Variants in LIMK1 observed in about 807,000 individuals in gnomAD.
The protein encoded by LIMK1 is LIM motif-containing protein kinase.
In LIMK1, 21 loss-of-function variants were observed where a neutral mutation model predicts 77.6. The ratio of observed to expected loss-of-function variants is 0.27; its 90% CI spans 0.19 to 0.39. The LOEUF (loss-of-function observed/expected upper bound fraction) is 0.39, where lower values mean the gene tolerates loss of function less well. LIMK1 is among the 10% of genes least tolerant of loss of function. The pLI is 1.00. For synonymous variants in LIMK1, 358 were observed against 370.0 expected (o/e 0.97, Z 0.37); for missense variants, 696 against 901.6 (o/e 0.77, Z 2.92).
intron 14 of LIMK1, 45 bp downstream of exon 14, chr7:74,120,683 TCC>T (rs782143277): frequency 5.4e-5 from 86 of 1,603,938 alleles, no homozygotes; most frequent in Admixed American, 1.0e-4. Flanking sequence ...CCTGGGCTCC[TCC>T]CCACTCACCC....
intron 5 of LIMK1, among the ~76,000 whole-genome samples, chr7:74,103,993 A>C (rs188633000): frequency 1.1e-3 from 170 of 151,890 alleles, no homozygotes; most frequent in African/African-American, 4.0e-3. Flanking sequence ...AGGTCTCACT[A>C]TTTTGCTCAG....
rs112094686 is a variant in LIMK1, at chr7:74,121,616, G to A, written c.*315G>A. 16 of 341,686 alleles carry A rather than the reference G, an allele frequency of 4.7e-5. No homozygotes were observed. The highest frequency in any genetic ancestry group is 2.8e-4 in the South Asian group (4 of 14,350). The allele number at this position is 341,686 out of a possible 1,614,324, so 21.2% of individuals were successfully genotyped here. On this transcript the variant is annotated 3_prime_UTR_variant, in exon 16 of 16. Transcript: ENST00000336180. ...TGAGTTACGCCCCTTTCCACACGCC[G>A]CTGCCCCAGCAACCCTGTTCACGCT... is the stretch of plus-strand genomic sequence containing the variant.
intron 2 of LIMK1, among the ~76,000 whole-genome samples, chr7:74,091,765 A>C (rs562309556): frequency 1.6e-3 from 238 of 152,178 alleles, no homozygotes; most frequent in African/African-American, 5.5e-3. Context: ...GTGATGTTTA[A>C]GGGACAGAAT....
rs782543863 is a variant in LIMK1, at chr7:74,111,642, T to C, written c.1285-6T>C. 1 of 1,611,474 alleles carries C rather than the reference T, an allele frequency of 6.2e-7. No individual in the cohort carries two copies. The highest frequency in any genetic ancestry group is 8.5e-7 in the Non-Finnish European group (1 of 1,178,882). On this transcript the variant is annotated splice_polypyrimidine_tract_variant and splice_region_variant and intron_variant, in intron 10 of 15. Coordinates refer to ENST00000336180, the MANE Select transcript of LIMK1 (RefSeq NM_002314.4). ...CCCCACCCTGGCCATTCTTTCTCCATCCCAGGACAGCCAGTACCCATGGAG... is the reference window on the plus strand; with the variant it reads ...CCCCACCCTGGCCATTCTTTCTCCACCCCAGGACAGCCAGTACCCATGGAG...
At chr7:74,118,088 G>C (rs1799851489) in intron 13 of LIMK1, among the ~76,000 whole-genome samples, 1 of 148,034 alleles carries the variant, frequency 6.8e-6, no homozygotes, top group South Asian at 2.1e-4. Context: ...GGAAGACTGT[G>C]TCTCAAAAAG....
intron 5 of LIMK1, among the ~76,000 whole-genome samples, chr7:74,103,512 G>A (rs868930761): frequency 2.0e-5 from 3 of 152,152 alleles, no homozygotes; most frequent in Admixed American, 2.0e-4. Flanking sequence ...TATGATGTCA[G>A]TGTGCCCTTT....
intron 3 of LIMK1, 121 bp downstream of exon 3, chr7:74,096,881 C>T (rs1799346843): frequency 1.6e-6 from 2 of 1,283,762 alleles, no homozygotes; most frequent in East Asian, 2.5e-5. Context: ...TTTGGAGCTG[C>T]TTTCTGAGCC....
chr7:74,104,012 C>T (rs782547567), intron 5 of LIMK1, among the ~76,000 whole-genome samples: 10 of 151,966 alleles, frequency 6.6e-5, no homozygotes, highest in Non-Finnish European at 1.2e-4. Context: ...AGGCTGGTCT[C>T]GAACTCCTGA....
At chr7:74,112,075 C>T in intron 12 of LIMK1, 77 bp downstream of exon 12, 1 of 1,191,862 alleles carries the variant, frequency 8.4e-7, no homozygotes, top group Non-Finnish European at 1.2e-6. Flanking sequence ...AGGGCCTTCC[C>T]AGAACTGGAG....
At chr7:74,084,127 C>T in intron 1 of LIMK1, 82 bp downstream of exon 1, 1 of 727,274 alleles carries the variant, frequency 1.4e-6, no homozygotes, top group Non-Finnish European at 2.1e-6. Flanking sequence ...GCCGGGTCTG[C>T]CAGGAGGCCG....
chr7:74,099,250 G>A lies in LIMK1; in HGVS notation c.608+12G>A, dbSNP rs781800461. On this transcript the variant is annotated intron_variant, in intron 5 of 15. Coordinates refer to ENST00000336180, the MANE Select transcript of LIMK1 (RefSeq NM_002314.4). ...GTCCGCGTCCAGGGGTGAGTGGCCG[G>A]CCTGCCGAGGCTGCCGTCGGTGTGG... The A allele has an allele frequency of 4.4e-6, 7 of 1,599,222 alleles. No homozygotes were observed. The East Asian group carries it at 1.6e-4, about 36-fold the overall frequency.
At chr7:74,111,889 C>G in intron 11 of LIMK1, 44 bp from the exon 12 acceptor site, 2 of 1,557,814 alleles carry the variant, frequency 1.3e-6, no homozygotes, top group Middle Eastern at 3.3e-4. Context: ...GGGCTGGGGT[C>G]CCTCTGCACA....
intron 5 of LIMK1, among the ~76,000 whole-genome samples, chr7:74,099,453 G>A (rs1008703161): frequency 1.3e-5 from 2 of 152,192 alleles, no homozygotes; most frequent in Admixed American, 6.5e-5. Flanking sequence ...ATTTTCAACC[G>A]GGCATGGTGG....
At chr7:74,115,557 C>T (rs1465001983) in intron 12 of LIMK1, 1 of 470,986 alleles carries the variant, frequency 2.1e-6, no homozygotes, top group East Asian at 3.5e-5. Flanking sequence ...GGGGAGGGGG[C>T]AGAGGGTGCA....
chr7:74,084,289 C>T (rs1799089275), intron 1 of LIMK1, among the ~76,000 whole-genome samples: 1 of 151,760 alleles, frequency 6.6e-6, no homozygotes, highest in African/African-American at 2.4e-5. Context: ...CCTCCCACGT[C>T]CCCCCGCGAA....
chr7:74,093,165 C>T (rs1799270797), intron 2 of LIMK1: 1 of 1,515,462 alleles, frequency 6.6e-7, no homozygotes. Flanking sequence ...CAATCCTGAG[C>T]CCCTGAGGGA....
At position 74,083,937 on chromosome 7, in the gene LIMK1, G is replaced by A. The variant is rs1348083955; in HGVS notation, c.-54G>A. The A allele has an allele frequency of 1.7e-6, 1 of 584,238 alleles. No homozygotes were observed. Among genetic ancestry groups the A allele is most frequent in the Non-Finnish European group, 2.3e-6 (1 of 433,606 alleles). 36.2% of individuals were successfully genotyped at this position (584,238 alleles called of 1,614,324 possible). ...GGCCGGCGGCGGTGGGCGAGCTCGC[G>A]GGCCCGGCCGCCCCCAGCCCCAGCC... On this transcript the variant is annotated 5_prime_UTR_variant, in exon 1 of 16. Transcript: ENST00000336180.
Position 74,093,416 on chromosome 7 carries a change from C to G in LIMK1, c.153-3206C>G. On this transcript the variant is annotated intron_variant, in intron 2 of 15. Transcript: ENST00000336180. ...AGGCTCTGGGGCAGAACTGAAACTC[C>G]TTGGTTACTGTCGGCTGCAGCCTGG... 5 of 1,261,944 alleles carry G rather than the reference C, an allele frequency of 4.0e-6. No homozygotes were observed. The South Asian group carries it at 6.7e-5, about 17-fold the overall frequency. The allele number at this position is 1,261,944 out of a possible 1,614,324, so 78.2% of individuals were successfully genotyped here. A position where few individuals can be genotyped will look rare whatever the true frequency, so the allele number is the denominator to read the frequency against.
At chr7:74,097,587 ACT>A (rs1799362123) in intron 4 of LIMK1, among the ~76,000 whole-genome samples, 1 of 152,058 alleles carries the variant, frequency 6.6e-6, no homozygotes, top group Non-Finnish European at 1.5e-5. Context: ...GAGGCAGGAG[ACT>A]CTCTTGAACC....
Sources: gnomAD v4.1 joint callset for allele counts (sites outside exome capture counted in the v4.1 genomes callset) on GRCh38, gnomAD v4.1.1 for gene constraint, MANE v1.5 for transcripts, NCBI Gene and HGNC (gene_info 2026-07-23, HGNC 2026-07-21) for gene names.